The following SGIP1 variants were observed in gnomAD, a reference collection of about 807,000 sequenced individuals.
The protein encoded by SGIP1 is SH3-containing GRB2-like protein 3-interacting protein 1.
In SGIP1, 38 loss-of-function variants were observed where a neutral mutation model predicts 107.5. The observed-to-expected ratio is 0.35, with a 90% CI of 0.27 to 0.46. SGIP1 has a LOEUF of 0.46. SGIP1 is among the 20% of genes least tolerant of loss of function. The probability of loss-of-function intolerance (pLI) is 1.00; values close to 1 mark genes in which losing one functional copy is unlikely to be tolerated. For synonymous variants in SGIP1, 365 were observed against 366.1 expected, an observed-to-expected ratio of 1.00 and a Z score of 0.03; for missense variants, 929 against 1,019.5, an observed-to-expected ratio of 0.91 and a Z score of 1.21.
intron 11 of SGIP1, among the ~76,000 whole-genome samples, chr1:66,672,790 A>T (rs2084141642): frequency 6.6e-6 from 1 of 151,358 alleles, no homozygotes; most frequent in Non-Finnish European, 1.5e-5. Context: ...GGTTACAACT[A>T]GTCTATTAGA....
chr1:66,727,979 C>T (rs2093834925), intron 19 of SGIP1, among the ~76,000 whole-genome samples: 1 of 152,126 alleles, frequency 6.6e-6, no homozygotes, highest in South Asian at 2.1e-4. Context: ...CATATAATCT[C>T]ATGGAGTTTT....
intron 7 of SGIP1, among the ~76,000 whole-genome samples, chr1:66,654,608 CA>C (rs773290403): frequency 8.5e-5 from 13 of 152,048 alleles, no homozygotes; most frequent in Non-Finnish European, 1.9e-4. Flanking sequence ...CAGTCTACAG[CA>C]GTAAATGTAC....
At chr1:66,649,032 TA>T (rs1254816864) in intron 7 of SGIP1, among the ~76,000 whole-genome samples, 1 of 152,178 alleles carries the variant, frequency 6.6e-6, no homozygotes, top group Non-Finnish European at 1.5e-5. Context: ...TAGATTCTTT[TA>T]AAAAAACCAC....
chr1:66,534,703 G>A (rs146725007), intron 1 of SGIP1, among the ~76,000 whole-genome samples: 3 of 152,120 alleles, frequency 2.0e-5, no homozygotes, highest in African/African-American at 7.2e-5. Flanking sequence ...TGGGTTCCTG[G>A]GACTACACTG....
intron 1 of SGIP1, among the ~76,000 whole-genome samples, chr1:66,546,179 G>A (rs1557839374): frequency 6.6e-6 from 1 of 152,156 alleles, no homozygotes; most frequent in East Asian, 1.9e-4. Context: ...GTTCCTGGAT[G>A]CCAGGCAATA....
rs2150835011 is a variant in SGIP1 at position 66,749,305 on chromosome 1, T to C, written c.*6210T>C. 6.6e-6 allele frequency among the ~76,000 whole-genome samples: 1 copy of C among 152,122 alleles called. No homozygotes were observed. The highest frequency in any genetic ancestry group is 3.4e-3 in the Middle Eastern group (1 of 294). On this transcript the variant is annotated 3_prime_UTR_variant, in exon 25 of 25. Coordinates refer to ENST00000371037, the MANE Select transcript of SGIP1 (RefSeq NM_032291.4). ...ACAGCTTTAGGAAACTGAATCATGATAGATCAATGTTGACAGTATTTTTAC... is the reference window on the plus strand; with the variant it reads ...ACAGCTTTAGGAAACTGAATCATGACAGATCAATGTTGACAGTATTTTTAC...
intron 18 of SGIP1, among the ~76,000 whole-genome samples, chr1:66,698,379 CT>C (rs397739553): frequency 5.6e-3 from 770 of 137,232 alleles, no homozygotes; most frequent in African/African-American, 9.0e-3. Context: ...ATGGTGATGA[CT>C]TTTTTTTTTT....
At chr1:66,569,759 CCTTT>C (rs1464904204) in intron 1 of SGIP1, among the ~76,000 whole-genome samples, 5 of 151,684 alleles carry the variant, frequency 3.3e-5, no homozygotes, top group African/African-American at 1.2e-4. Context: ...TAGTAAATAT[CCTTT>C]CTTCTATTTT....
chr1:66,700,195 A>T (rs920683560), intron 18 of SGIP1, among the ~76,000 whole-genome samples: 2 of 151,596 alleles, frequency 1.3e-5, no homozygotes, highest in African/African-American at 4.8e-5. Context: ...ACATGCCGAA[A>T]CCCCGCCTCT....
At chr1:66,660,201 AAGAAAGAAAGAAAGAG>A (rs2081130668) in intron 7 of SGIP1, 1 of 217,142 alleles carries the variant, frequency 4.6e-6, no homozygotes, top group African/African-American at 3.8e-5. Flanking sequence ...GAAAGAAAGA[AAGAAAGAAAGAAAGAG>A]AAAGAAAGAA....
chr1:66,690,205 C>T lies in SGIP1; in HGVS notation c.1459C>T (p.Pro487Ser). Residue 487 changes from proline (P) to serine (S), a missense_variant, in exon 17 of 25, where the codon CCT becomes TCT. By Grantham distance (74) the Pro-to-Ser change is moderately conservative. Coordinates refer to ENST00000371037, the MANE Select transcript of SGIP1 (RefSeq NM_032291.4). The part of the protein sequence containing the change: ...GVGDVSRPFS[P>S]PIHSSSPPPI... ...CTCCTTACAGTCCAGACCTTTTAGC[C>T]CTCCCATTCATTCTTCCAGCCCTCC... The T allele has an allele frequency of 2.5e-6, 4 of 1,614,082 alleles. No individual in the cohort carries two copies. The highest frequency in any genetic ancestry group is 2.5e-6 in the Non-Finnish European group (3 of 1,179,980).
intron 17 of SGIP1, chr1:66,694,629 C>A: frequency 1.6e-6 from 1 of 639,206 alleles, no homozygotes; most frequent in Non-Finnish European, 2.4e-6. Flanking sequence ...CTCTCAGATG[C>A]ACCCTGTATA....
chr1:66,724,536 T>C (rs74560204), intron 19 of SGIP1, among the ~76,000 whole-genome samples: 2,452 of 152,298 alleles, frequency 0.016, 61 homozygotes, highest in African/African-American at 0.056. Flanking sequence ...TGAAATGTAA[T>C]TGAGGCCTCA....
chr1:66,668,598 A>T (rs6703606), intron 9 of SGIP1, among the ~76,000 whole-genome samples: 1 of 152,000 alleles, frequency 6.6e-6, no homozygotes, highest in Non-Finnish European at 1.5e-5. Context: ...TGAAGACAAC[A>T]CTCTCTGAAA....
chr1:66,680,352 A>G lies in SGIP1; in HGVS notation c.814+600A>G, dbSNP rs143160370. On this transcript the variant is annotated intron_variant, in intron 14 of 24. Transcript: ENST00000371037. The stretch of plus-strand genomic sequence containing the variant: ...TTTACCATCTATTAAAATCAATACT[A>G]TGTATTCATACAATTTATAGTCTGC... 3.9e-3 allele frequency among the ~76,000 whole-genome samples: 594 copies of G among 152,356 alleles called. 5 individuals are homozygous for G. Among genetic ancestry groups the G allele is most frequent in the African/African-American group, 0.013 (557 of 41,586 alleles).
chr1:66,652,502 T>C (rs2078957877), intron 7 of SGIP1, among the ~76,000 whole-genome samples: 1 of 152,182 alleles, frequency 6.6e-6, no homozygotes, highest in South Asian at 2.1e-4. Context: ...GAAGGAACAA[T>C]TAGTTTAATC....
chr1:66,695,255 T>A (rs865983578), intron 17 of SGIP1, 179 bp from the exon 18 acceptor site: 57 of 949,896 alleles, frequency 6.0e-5, no homozygotes, highest in African/African-American at 3.4e-4. Context: ...TTTCCTGAAC[T>A]AAAAAAAAAA....
intron 1 of SGIP1, among the ~76,000 whole-genome samples, chr1:66,600,643 G>T (rs1471938853): frequency 6.6e-6 from 1 of 152,176 alleles, no homozygotes; most frequent in Non-Finnish European, 1.5e-5. Flanking sequence ...GATTAGAAAG[G>T]ATGCAAGTGG....
At chr1:66,607,170 T>C (rs1421989940) in intron 1 of SGIP1, among the ~76,000 whole-genome samples, 3 of 152,222 alleles carry the variant, frequency 2.0e-5, no homozygotes, top group African/African-American at 7.2e-5. Context: ...TGAAACATGC[T>C]TGAGTTTATA....
Sources: gnomAD v4.1 joint callset for allele counts (sites outside exome capture counted in the v4.1 genomes callset) on GRCh38, gnomAD v4.1.1 for gene constraint, MANE v1.5 for transcripts, NCBI Gene and HGNC (gene_info 2026-07-23, HGNC 2026-07-21) for gene names.